OCA2: variants seen among roughly 807,000 people sequenced by gnomAD.
The protein encoded by OCA2 is P protein.
OCA2 carries 77 observed loss-of-function variants against 100.2 expected under a neutral mutation model. The observed-to-expected ratio is 0.77, with a 90% CI of 0.64 to 0.93. The LOEUF (loss-of-function observed/expected upper bound fraction) is 0.93. Ranked by LOEUF, OCA2 falls within the 40% of genes least tolerant of loss-of-function variation. The pLI is 0.00. For missense variants in OCA2, 1,062 were observed against 1,089.1 expected (o/e 0.98, Z 0.35); for synonymous variants, 432 against 439.2 (o/e 0.98, Z 0.21).
chr15:28,094,722 G>A (rs1254534183), intron 1 of OCA2, among the ~76,000 whole-genome samples: 1 of 152,196 alleles, frequency 6.6e-6, no homozygotes, highest in African/African-American at 2.4e-5. Context: ...AGGTGGGGGT[G>A]GGCCCGGGCC....
At chr15:27,719,501 TCCACACATA>T in the OCA2 span, among the ~76,000 whole-genome samples, 1 of 152,096 alleles carries the variant, frequency 6.6e-6, no homozygotes, top group Non-Finnish European at 1.5e-5. Context: ...AACACATATA[TCCACACATA>T]CATGCACGTA....
chr15:27,949,139 A>C (rs2039946229), intron 18 of OCA2, among the ~76,000 whole-genome samples: 1 of 152,240 alleles, frequency 6.6e-6, no homozygotes, highest in African/African-American at 2.4e-5. Context: ...AGGATTCCTA[A>C]ATGAAGGAAT....
At chr15:28,089,137 G>A (rs1450155113) in intron 1 of OCA2, among the ~76,000 whole-genome samples, 1 of 152,194 alleles carries the variant, frequency 6.6e-6, no homozygotes. Context: ...ATATGGCTCT[G>A]TTCCTCCCGG....
At chr15:28,032,882 C>T (rs987881495) in intron 2 of OCA2, among the ~76,000 whole-genome samples, 9 of 152,088 alleles carry the variant, frequency 5.9e-5, no homozygotes, top group Non-Finnish European at 1.3e-4. Context: ...AAATCACAAG[C>T]AGTTCACATT....
chr15:28,078,101 A>G (rs1365027582), intron 2 of OCA2, among the ~76,000 whole-genome samples: 1 of 152,236 alleles, frequency 6.6e-6, no homozygotes, highest in Non-Finnish European at 1.5e-5. Context: ...AAACTGGACA[A>G]TGCATTCCAC....
intron 22 of OCA2, 113 bp downstream of exon 22, chr15:27,851,269 T>C: frequency 1.1e-6 from 1 of 881,878 alleles, no homozygotes; most frequent in Non-Finnish European, 1.9e-6. Flanking sequence ...ACTCAGGAAA[T>C]CATCCAGACT....
chr15:28,052,254 T>C (rs1291838384), intron 2 of OCA2, among the ~76,000 whole-genome samples: 1 of 152,232 alleles, frequency 6.6e-6, no homozygotes, highest in African/African-American at 2.4e-5. Context: ...GCCACAGGCT[T>C]ATAAAATCAC....
intron 23 of OCA2, among the ~76,000 whole-genome samples, chr15:27,784,893 CAGAGAG>C (rs55682306): frequency 2.4e-4 from 35 of 148,244 alleles, no homozygotes; most frequent in East Asian, 2.0e-4. Flanking sequence ...AAGAGAGAGA[CAGAGAG>C]AGAGAGAGAG....
Position 28,019,520 on chromosome 15 carries a change from G to A in OCA2, c.647-963C>T, listed in dbSNP as rs910136864. Among the ~76,000 whole-genome samples the A allele has an allele frequency of 5.3e-5, 8 of 152,232 alleles. 1 individual carries two copies. The highest frequency in any genetic ancestry group is 3.9e-4 in the East Asian group (2 of 5,152). On this transcript the variant is annotated intron_variant, in intron 6 of 23. Transcript: ENST00000354638. ...ACCCTGCAACTACCGAACCGACACC[G>A]CCTGGCTGCTGCGGGAGACACTGAG...
At chr15:27,759,243 T>G (rs887324783) in intron 23 of OCA2, among the ~76,000 whole-genome samples, 3 of 152,110 alleles carry the variant, frequency 2.0e-5, no homozygotes, top group African/African-American at 7.2e-5. Context: ...CTCAAGACAC[T>G]CTCAGATGAA....
intron 6 of OCA2, among the ~76,000 whole-genome samples, chr15:28,021,936 T>C (rs552117088): frequency 3.9e-5 from 6 of 152,176 alleles, no homozygotes; most frequent in African/African-American, 1.4e-4. Context: ...ACCGCAAACC[T>C]CAACACAGCC....
chr15:28,017,063 C>T (rs1437159834), intron 7 of OCA2, among the ~76,000 whole-genome samples: 1 of 33,356 alleles, frequency 3.0e-5, no homozygotes, highest in Admixed American at 3.3e-4. Flanking sequence ...GCCTGGGGAG[C>T]GGGGGGCGGG....
At chr15:28,006,980 C>T (rs571852002) in intron 9 of OCA2, among the ~76,000 whole-genome samples, 46 of 152,258 alleles carry the variant, frequency 3.0e-4, no homozygotes, top group Non-Finnish European at 5.1e-4. Context: ...TCATCTCCCT[C>T]GAATTTAATT....
chr15:28,037,707 G>A (rs562185589), intron 2 of OCA2, among the ~76,000 whole-genome samples: 49 of 152,298 alleles, frequency 3.2e-4, no homozygotes, highest in African/African-American at 1.2e-3. Flanking sequence ...TAACCCTGAA[G>A]GTAGATAATA....
At chr15:27,734,286 CAAAAAAAA>C in the OCA2 span, among the ~76,000 whole-genome samples, 2 of 76,370 alleles carry the variant, frequency 2.6e-5, no homozygotes, top group Non-Finnish European at 5.2e-5. Context: ...TTTTCAAGAG[CAAAAAAAA>C]AAAAAAAAAA....
intron 2 of OCA2, among the ~76,000 whole-genome samples, chr15:28,035,472 G>A: frequency 6.6e-6 from 1 of 152,176 alleles, no homozygotes; most frequent in East Asian, 1.9e-4. Flanking sequence ...GATCCAGAGA[G>A]CTCACAGATC....
intron 23 of OCA2, among the ~76,000 whole-genome samples, chr15:27,794,115 G>T (rs2151141409): frequency 6.6e-6 from 1 of 152,280 alleles, no homozygotes; most frequent in South Asian, 2.1e-4. Flanking sequence ...TGTGCCAAAA[G>T]CTCCAAGAAT....
intron 14 of OCA2, among the ~76,000 whole-genome samples, chr15:27,976,201 C>T (rs977385068): frequency 5.9e-5 from 9 of 152,088 alleles, no homozygotes; most frequent in South Asian, 2.1e-4. Flanking sequence ...TTGTGTCATC[C>T]GCAAATAAAG....
chr15:27,887,071 C>T (rs2594886), intron 19 of OCA2, among the ~76,000 whole-genome samples: 63,954 of 151,914 alleles, frequency 0.42, 15,291 homozygotes, highest in African/African-American at 0.62. Context: ...CGGGAGTTTC[C>T]CTGCACAAGA....
Sources: gnomAD v4.1 joint callset for allele counts (sites outside exome capture counted in the v4.1 genomes callset) on GRCh38, gnomAD v4.1.1 for gene constraint, MANE v1.5 for transcripts, NCBI Gene and HGNC (gene_info 2026-07-23, HGNC 2026-07-21) for gene names.